Variants in PTPRO observed in about 807,000 individuals in gnomAD.
The protein encoded by PTPRO is receptor-type tyrosine-protein phosphatase O.
In PTPRO, 62 loss-of-function variants were observed where a neutral mutation model predicts 145.2. The observed-to-expected ratio is 0.43, with a 90% CI of 0.35 to 0.53. The LOEUF is 0.53. Among genes scored for constraint, PTPRO ranks in the 20% least tolerant of loss-of-function variants. The pLI, the probability that PTPRO is intolerant of heterozygous loss-of-function variation, is 0.01. For missense variants in PTPRO, 1,345 were observed against 1,482.7 expected (o/e 0.91, Z 1.53); for synonymous variants, 565 against 514.7 (o/e 1.10, Z -1.32).
At chr12:15,483,471 T>A (rs1040899953) in intron 1 of PTPRO, among the ~76,000 whole-genome samples, 1 of 152,112 alleles carries the variant, frequency 6.6e-6, no homozygotes, top group Middle Eastern at 3.2e-3. Context: ...AGTTTCTCAA[T>A]CCTGACCTTT....
intron 1 of PTPRO, among the ~76,000 whole-genome samples, chr12:15,351,264 T>A (rs542218414): frequency 6.6e-6 from 1 of 152,308 alleles, no homozygotes; most frequent in Non-Finnish European, 1.5e-5. Flanking sequence ...CAATATTTAA[T>A]TTACAGATGA....
At chr12:15,446,227 T>C (rs1428434332) in intron 1 of PTPRO, among the ~76,000 whole-genome samples, 2 of 152,194 alleles carry the variant, frequency 1.3e-5, no homozygotes, top group African/African-American at 4.8e-5. Context: ...ATGGGTTTTG[T>C]GGTACTAGAA....
At chr12:15,487,263 T>C (rs1347503646) in intron 2 of PTPRO, among the ~76,000 whole-genome samples, 1 of 152,098 alleles carries the variant, frequency 6.6e-6, no homozygotes, top group Non-Finnish European at 1.5e-5. Context: ...AAATTCTACA[T>C]TAAATCCATG....
At chr12:15,328,924 C>T (rs1866528929) in intron 1 of PTPRO, among the ~76,000 whole-genome samples, 1 of 152,098 alleles carries the variant, frequency 6.6e-6, no homozygotes, top group Non-Finnish European at 1.5e-5. Flanking sequence ...AATTTATCTA[C>T]AAGTAGTGGT....
chr12:15,483,780 G>A (rs534963165), intron 1 of PTPRO, among the ~76,000 whole-genome samples, 194 bp from the exon 2 acceptor site: 23 of 152,174 alleles, frequency 1.5e-4, no homozygotes, highest in Non-Finnish European at 2.8e-4. Context: ...TTAATCCTAA[G>A]AAGGATAATC....
At chr12:15,360,122 TC>T (rs1396397192) in intron 1 of PTPRO, among the ~76,000 whole-genome samples, 1 of 152,180 alleles carries the variant, frequency 6.6e-6, no homozygotes, top group Non-Finnish European at 1.5e-5. Flanking sequence ...CTTTTCAAAT[TC>T]CCCAGCATCA....
chr12:15,509,841 G>A (rs1408812899), intron 7 of PTPRO, among the ~76,000 whole-genome samples: 1 of 152,138 alleles, frequency 6.6e-6, no homozygotes, highest in African/African-American at 2.4e-5. Flanking sequence ...AGTCTTGTGA[G>A]TGGCTAGCAG....
chr12:15,500,185 C>T (rs530294950), intron 4 of PTPRO, among the ~76,000 whole-genome samples: 60 of 151,960 alleles, frequency 3.9e-4, no homozygotes, highest in African/African-American at 1.4e-3. Flanking sequence ...TAAGCAAAAT[C>T]GTATGTGCCT....
intron 20 of PTPRO, among the ~76,000 whole-genome samples, chr12:15,579,626 A>G (rs1184670773): frequency 6.6e-6 from 1 of 152,214 alleles, no homozygotes; most frequent in Non-Finnish European, 1.5e-5. Flanking sequence ...ATGTCCACCT[A>G]CAAAAGAAAC....
At chr12:15,542,065 A>C (rs1451705268) in intron 12 of PTPRO, among the ~76,000 whole-genome samples, 8 of 152,166 alleles carry the variant, frequency 5.3e-5, no homozygotes, top group African/African-American at 1.9e-4. Context: ...TCAGCATATG[A>C]ATTTAGGCGG....
At chr12:15,353,889 A>G (rs141928947) in intron 1 of PTPRO, among the ~76,000 whole-genome samples, 3 of 152,248 alleles carry the variant, frequency 2.0e-5, no homozygotes, top group African/African-American at 7.2e-5. Flanking sequence ...TCCGGTTACA[A>G]TTCTTCAAAG....
intron 25 of PTPRO, among the ~76,000 whole-genome samples, chr12:15,594,440 A>G (rs1292368297): frequency 6.6e-6 from 1 of 151,930 alleles, no homozygotes; most frequent in Non-Finnish European, 1.5e-5. Context: ...AACATAGTTC[A>G]TAATACCGTA....
intron 7 of PTPRO, among the ~76,000 whole-genome samples, chr12:15,513,157 AAAAGAAAG>A (rs1162807747): frequency 0.15 from 4,473 of 30,228 alleles, 231 homozygotes; most frequent in Non-Finnish European, 0.16. Flanking sequence ...GAAAGAAAGA[AAAAGAAAG>A]AAAGAAAGAA....
At chr12:15,440,898 G>A (rs1338233929) in intron 1 of PTPRO, among the ~76,000 whole-genome samples, 1 of 152,130 alleles carries the variant, frequency 6.6e-6, no homozygotes, top group Non-Finnish European at 1.5e-5. Flanking sequence ...GACTTAGACA[G>A]CCACACAATA....
At chr12:15,530,602 T>C (rs1191900872) in intron 12 of PTPRO, among the ~76,000 whole-genome samples, 4 of 152,092 alleles carry the variant, frequency 2.6e-5, no homozygotes. Flanking sequence ...CACATGGAAA[T>C]TGAACAACAT....
rs1333703797 is a variant in PTPRO, at chr12:15,597,249, G to A, written c.*1176G>A. ...AGTACATGATTGTGTATTGTGACAT[G>A]AATGCTGTCAAAATGACATTGATGG... On this transcript the variant is annotated 3_prime_UTR_variant, in exon 27 of 27. Coordinates refer to ENST00000281171, the MANE Select transcript of PTPRO (RefSeq NM_030667.3). 1 of 152,176 alleles carries A rather than the reference G, an allele frequency of 6.6e-6. No individual in the cohort carries two copies. The highest frequency in any genetic ancestry group is 1.5e-5 in the Non-Finnish European group (1 of 68,032). The allele number at this position is 152,176 out of a possible 1,614,324, so 9.4% of individuals were successfully genotyped here.
intron 1 of PTPRO, among the ~76,000 whole-genome samples, chr12:15,449,609 T>C (rs1219908613): frequency 6.6e-6 from 1 of 152,198 alleles, no homozygotes; most frequent in Admixed American, 6.5e-5. Context: ...GAAATAAAAA[T>C]ATGGAAAGTG....
At chr12:15,505,829 A>G (rs139628723) in intron 6 of PTPRO, among the ~76,000 whole-genome samples, 118 of 152,306 alleles carry the variant, frequency 7.7e-4, no homozygotes, top group African/African-American at 2.6e-3. Context: ...TTACATTACA[A>G]TTTATTATAT....
chr12:15,379,663 T>C (rs1223495111), intron 1 of PTPRO, among the ~76,000 whole-genome samples: 1 of 152,096 alleles, frequency 6.6e-6, no homozygotes, highest in African/African-American at 2.4e-5. Context: ...AAATACAATG[T>C]GTCAAGGATG....
Sources: allele counts gnomAD v4.1 joint callset (sites outside exome capture counted in the v4.1 genomes callset), GRCh38; gene constraint gnomAD v4.1.1; transcripts MANE v1.5; gene names NCBI Gene and HGNC (gene_info 2026-07-23, HGNC 2026-07-21).